Variants in HM13 observed in about 807,000 individuals in gnomAD.
HM13 encodes signal peptide peptidase.
Under a neutral mutation model 50.0 loss-of-function variants are expected in HM13, and 18 were observed. That is an observed-to-expected ratio of 0.36 (90% CI 0.25 to 0.53). HM13 has a LOEUF of 0.53. Among genes scored for constraint, HM13 ranks in the 20% least tolerant of loss-of-function variants. The pLI, the probability that HM13 is intolerant of heterozygous loss-of-function variation, is 0.90. For missense variants in HM13, 393 were observed against 552.4 expected, an observed-to-expected ratio of 0.71 and a Z score of 2.89; for synonymous variants, 197 against 232.6, an observed-to-expected ratio of 0.85 and a Z score of 1.39.
intron 2 of HM13, among the ~76,000 whole-genome samples, chr20:31,530,277 A>G (rs1194685861): frequency 6.6e-6 from 1 of 152,092 alleles, no homozygotes; most frequent in African/African-American, 2.4e-5. Flanking sequence ...TCTCCCCAAT[A>G]CAGTTTCCTG....
chr20:31,521,484 G>C (rs149589482), intron 1 of HM13, among the ~76,000 whole-genome samples: 14 of 152,198 alleles, frequency 9.2e-5, no homozygotes, highest in African/African-American at 3.4e-4. Flanking sequence ...CCAGCACTTC[G>C]GGAGGCCAAG....
At chr20:31,517,674 A>G (rs1568776778) in intron 1 of HM13, among the ~76,000 whole-genome samples, 1 of 152,194 alleles carries the variant, frequency 6.6e-6, no homozygotes, top group Non-Finnish European at 1.5e-5. Context: ...AGATGTGTTC[A>G]GGGAGGCAGT....
intron 1 of HM13, among the ~76,000 whole-genome samples, chr20:31,522,034 G>T (rs1472348631): frequency 6.6e-6 from 1 of 151,942 alleles, no homozygotes; most frequent in African/African-American, 2.4e-5. Context: ...CCGCAAAGGA[G>T]ACCAGAGTCC....
At chr20:31,546,098 G>A (rs1481464725) in intron 4 of HM13, among the ~76,000 whole-genome samples, 1 of 145,614 alleles carries the variant, frequency 6.9e-6, no homozygotes, top group Non-Finnish European at 1.5e-5. Context: ...CGCCCAGGCT[G>A]GAGTGCAGCG....
intron 2 of HM13, among the ~76,000 whole-genome samples, chr20:31,530,449 G>A (rs763490800): frequency 5.4e-5 from 8 of 147,598 alleles, no homozygotes; most frequent in Admixed American, 4.1e-4. Context: ...TTTCTCTGTC[G>A]CCAGGCTGGA....
intron 8 of HM13, among the ~76,000 whole-genome samples, chr20:31,556,125 T>C (rs1984303445): frequency 6.6e-6 from 1 of 150,658 alleles, no homozygotes; most frequent in African/African-American, 2.5e-5. Flanking sequence ...TCTGCCTCCC[T>C]GGTTCAAGCG....
At chr20:31,546,994 A>G (rs960912098) in intron 4 of HM13, among the ~76,000 whole-genome samples, 4 of 152,130 alleles carry the variant, frequency 2.6e-5, no homozygotes, top group Non-Finnish European at 5.9e-5. Context: ...GGCCCTCTCT[A>G]TCTCATGCTC....
Position 31,551,205 on chromosome 20 carries a change from A to T in HM13, c.724+1084A>T, listed in dbSNP as rs143792498. Among the ~76,000 whole-genome samples, 998 of 152,158 alleles carry T rather than the reference A, an allele frequency of 6.6e-3. 11 individuals carry two copies. The highest frequency in any genetic ancestry group is 0.023 in the African/African-American group (937 of 41,508). ...GTATAACTGTCTTTAAACAAGGGGGAAATTTTGTCATCTCACACTACAGCA... is the reference window on the plus strand; with the variant it reads ...GTATAACTGTCTTTAAACAAGGGGGTAATTTTGTCATCTCACACTACAGCA... On this transcript the variant is annotated intron_variant, in intron 7 of 12. Transcript: ENST00000398174.
At chr20:31,550,154 C>T (rs1236824836) in intron 7 of HM13, 33 bp downstream of exon 7, 3 of 1,570,964 alleles carry the variant, frequency 1.9e-6, no homozygotes, top group East Asian at 2.2e-5. Flanking sequence ...GGAACCCCTT[C>T]CCCCACCCCT....
At position 31,549,103 on chromosome 20, in the gene HM13, C is replaced by G. The variant is rs1983881858; in HGVS notation, c.529C>G (p.Leu177Val). The G allele has an allele frequency of 1.2e-6, 2 of 1,613,972 alleles. No homozygotes were observed. Among genetic ancestry groups the G allele is most frequent in the South Asian group, 1.1e-5 (1 of 91,056 alleles). Residue 177 changes from leucine (L) to valine (V), a missense_variant, in exon 5 of 13, where the codon CTG becomes GTG. By Grantham distance (32) the Leu-to-Val change is conservative. Transcript: ENST00000398174. ...GLSSIVGVWY[L>V]LRKHWIANNL... ...GAGCAGCATCGTTGGCGTCTGGTACCTGCTGAGGAAGGTGAGTAGTCAGGA... is the reference window on the plus strand; with the variant it reads ...GAGCAGCATCGTTGGCGTCTGGTACGTGCTGAGGAAGGTGAGTAGTCAGGA...
In HM13 at chr20:31,546,447, A is replaced by ATT. The variant is rs1238367528; in HGVS notation, c.454+1423_454+1424dup. Among the ~76,000 whole-genome samples the ATT allele has an allele frequency of 5.0e-3, 727 of 146,468 alleles. 7 individuals carry two copies. The highest frequency in any genetic ancestry group is 0.017 in the African/African-American group (690 of 40,216). ...AGGAACCTCTGTTAAACAATTGTTG[A>ATT]TTTTTTTTTTTTAAAGACTGAGCTT... On this transcript the variant is annotated intron_variant, in intron 4 of 12. Transcript: ENST00000398174.
intron 7 of HM13, 195 bp from the exon 8 acceptor site, chr20:31,554,551 G>A (rs1984203383): frequency 1.9e-6 from 1 of 525,638 alleles, no homozygotes; most frequent in African/African-American, 1.9e-5. Context: ...GTGCGGTGGT[G>A]GGCGCCTGTA....
At chr20:31,547,644 A>C (rs1983802222) in intron 4 of HM13, 1 of 1,573,522 alleles carries the variant, frequency 6.4e-7, no homozygotes, top group Non-Finnish European at 8.6e-7. Context: ...TGCCTAAGAA[A>C]GATCCTGTCA....
At chr20:31,537,984 G>A (rs556027649) in intron 2 of HM13, among the ~76,000 whole-genome samples, 195 bp from the exon 3 acceptor site, 2 of 152,168 alleles carry the variant, frequency 1.3e-5, no homozygotes, top group African/African-American at 2.4e-5. Context: ...AGGTACAGCT[G>A]GGGGCTTGAG....
At chr20:31,547,886 T>C in intron 4 of HM13, 2 of 1,022,558 alleles carry the variant, frequency 2.0e-6, no homozygotes, top group Non-Finnish European at 3.1e-6. Flanking sequence ...CCTGCTGCAG[T>C]AGATACGATT....
chr20:31,547,633 A>T, intron 4 of HM13: 1 of 1,577,012 alleles, frequency 6.3e-7, no homozygotes, highest in South Asian at 1.2e-5. Context: ...TAATCAAATC[A>T]TGCCTAAGAA....
At chr20:31,562,233 A>G (rs920017090) in intron 10 of HM13, among the ~76,000 whole-genome samples, 2 of 152,160 alleles carry the variant, frequency 1.3e-5, no homozygotes, top group African/African-American at 4.8e-5. Flanking sequence ...CTGAGCTGCC[A>G]CAGAATGAAG....
At chr20:31,526,031 C>A (rs1257626595) in intron 1 of HM13, among the ~76,000 whole-genome samples, 3 of 151,954 alleles carry the variant, frequency 2.0e-5, no homozygotes, top group Admixed American at 1.3e-4. Context: ...GAGGCTGAGG[C>A]GGGAGAATTG....
intron 12 of HM13, chr20:31,568,427 C>G (rs1985059001): frequency 1.5e-6 from 1 of 672,550 alleles, no homozygotes; most frequent in Admixed American, 3.2e-5. Flanking sequence ...TTCCTGCCCT[C>G]ACCAGTAATG....
Sources: gnomAD v4.1 joint callset for allele counts (sites outside exome capture counted in the v4.1 genomes callset) on GRCh38, gnomAD v4.1.1 for gene constraint, MANE v1.5 for transcripts, NCBI Gene and HGNC (gene_info 2026-07-23, HGNC 2026-07-21) for gene names.